The following ZBTB7C variants were observed in gnomAD, a reference collection of about 807,000 sequenced individuals.
ZBTB7C encodes zinc finger and BTB domain containing 7C.
Under a neutral mutation model 25.7 loss-of-function variants are expected in ZBTB7C, and 8 were observed. The observed-to-expected ratio is 0.31, with a 90% CI of 0.18 to 0.56. ZBTB7C has a LOEUF of 0.56. Ranked by LOEUF, ZBTB7C falls within the 20% of genes least tolerant of loss-of-function variation. The pLI, the probability that ZBTB7C is intolerant of heterozygous loss-of-function variation, is 0.91. For synonymous variants in ZBTB7C, 394 were observed against 369.0 expected (o/e 1.07, Z -0.78); for missense variants, 824 against 855.2 (o/e 0.96, Z 0.46).
intron 3 of ZBTB7C, among the ~76,000 whole-genome samples, chr18:48,053,771 A>G (rs2036793462): frequency 6.6e-6 from 1 of 152,164 alleles, no homozygotes; most frequent in South Asian, 2.1e-4. Flanking sequence ...GCCACAGAAG[A>G]GTGGGAGAGA....
intron 2 of ZBTB7C, among the ~76,000 whole-genome samples, chr18:48,243,020 T>C (rs1383737331): frequency 1.6e-4 from 24 of 151,774 alleles, no homozygotes; most frequent in Admixed American, 1.6e-3. Context: ...TCCTAACAAT[T>C]TGGGAGGCCG....
intron 2 of ZBTB7C, among the ~76,000 whole-genome samples, chr18:48,328,041 G>C (rs1342975383): frequency 6.6e-6 from 1 of 151,904 alleles, no homozygotes; most frequent in African/African-American, 2.4e-5. Flanking sequence ...AATTAGCCGG[G>C]CGTGGTGGCG....
chr18:48,038,053 A>G (rs1390015187), intron 4 of ZBTB7C, among the ~76,000 whole-genome samples: 4 of 151,966 alleles, frequency 2.6e-5, no homozygotes, highest in African/African-American at 9.7e-5. Context: ...GGCTAAGGTG[A>G]ATTCAGGAGG....
intron 2 of ZBTB7C, among the ~76,000 whole-genome samples, chr18:48,335,743 T>C (rs1007338138): frequency 3.9e-5 from 6 of 152,192 alleles, no homozygotes; most frequent in South Asian, 4.1e-4. Flanking sequence ...CAGAATACAC[T>C]GTAGACTTCA....
intron 1 of ZBTB7C, among the ~76,000 whole-genome samples, chr18:48,397,833 G>T (rs1029227963): frequency 3.9e-5 from 6 of 152,170 alleles, no homozygotes; most frequent in Non-Finnish European, 8.8e-5. Context: ...GCAAGACCAC[G>T]TCTTGGGCTT....
chr18:48,277,876 A>G (rs2044713538), intron 2 of ZBTB7C, among the ~76,000 whole-genome samples: 1 of 151,866 alleles, frequency 6.6e-6, no homozygotes, highest in African/African-American at 2.4e-5. Flanking sequence ...TTTGCGCCAG[A>G]TAGCAGGTAG....
chr18:48,184,629 T>C (rs952646624), intron 3 of ZBTB7C, among the ~76,000 whole-genome samples: 7 of 152,056 alleles, frequency 4.6e-5, no homozygotes, highest in African/African-American at 7.2e-5. Flanking sequence ...ATTAAATAAA[T>C]ATATCCCAGC....
chr18:48,337,718 G>C (rs1164598292), intron 2 of ZBTB7C, among the ~76,000 whole-genome samples: 4 of 152,208 alleles, frequency 2.6e-5, no homozygotes, highest in African/African-American at 9.7e-5. Context: ...ATCTGAACCA[G>C]ACCTAAAGGC....
At chr18:48,120,582 C>T (rs1012532770) in intron 3 of ZBTB7C, among the ~76,000 whole-genome samples, 1 of 151,946 alleles carries the variant, frequency 6.6e-6, no homozygotes, top group African/African-American at 2.4e-5. Context: ...TGCACTCCAG[C>T]CTGGTGACAG....
At chr18:48,265,246 C>G (rs2044278127) in intron 2 of ZBTB7C, among the ~76,000 whole-genome samples, 1 of 152,124 alleles carries the variant, frequency 6.6e-6, no homozygotes, top group African/African-American at 2.4e-5. Context: ...TTGTAAGTCC[C>G]CAATTGTCTT....
intron 1 of ZBTB7C, among the ~76,000 whole-genome samples, chr18:48,372,882 C>A (rs2047421104): frequency 1.3e-5 from 2 of 152,144 alleles, no homozygotes; most frequent in South Asian, 4.1e-4. Context: ...ATGTGTCTGG[C>A]AAACTGGCAA....
At chr18:48,385,127 T>C (rs767161908) in intron 1 of ZBTB7C, among the ~76,000 whole-genome samples, 4 of 152,180 alleles carry the variant, frequency 2.6e-5, no homozygotes, top group Non-Finnish European at 4.4e-5. Flanking sequence ...ATGGTTGACA[T>C]ACCCAAATGC....
At chr18:48,288,868 T>C (rs1008406940) in intron 2 of ZBTB7C, among the ~76,000 whole-genome samples, 1 of 152,220 alleles carries the variant, frequency 6.6e-6, no homozygotes, top group African/African-American at 2.4e-5. Flanking sequence ...TAGTTTATGG[T>C]ACTTTGTTAC....
At chr18:48,178,243 C>A (rs1404744470) in intron 3 of ZBTB7C, among the ~76,000 whole-genome samples, 1 of 152,224 alleles carries the variant, frequency 6.6e-6, no homozygotes, top group Non-Finnish European at 1.5e-5. Context: ...GCAGTGCCCT[C>A]TCCCTTAATG....
At chr18:48,033,716 A>C (rs2035854817) in intron 4 of ZBTB7C, among the ~76,000 whole-genome samples, 1 of 152,234 alleles carries the variant, frequency 6.6e-6, no homozygotes, top group Non-Finnish European at 1.5e-5. Context: ...CCTTGAAAAC[A>C]CTGATCTAAT....
At chr18:48,185,408 C>T (rs2042031328) in intron 3 of ZBTB7C, 1 of 365,762 alleles carries the variant, frequency 2.7e-6, no homozygotes, top group Non-Finnish European at 5.3e-6. Context: ...GAGCCAATGC[C>T]TGCTGCTTCT....
chr18:48,236,147 A>T (rs1048850329), intron 2 of ZBTB7C, among the ~76,000 whole-genome samples: 2 of 152,026 alleles, frequency 1.3e-5, no homozygotes, highest in African/African-American at 4.8e-5. Flanking sequence ...ATTCTGAATA[A>T]TTTTTTCATA....
intron 2 of ZBTB7C, among the ~76,000 whole-genome samples, chr18:48,324,867 G>A (rs922435376): frequency 2.0e-5 from 3 of 152,152 alleles, no homozygotes; most frequent in African/African-American, 7.2e-5. Context: ...ACCACATGAC[G>A]ACTCAGGAGC....
chr18:48,112,811 T>C (rs980623039), intron 3 of ZBTB7C, among the ~76,000 whole-genome samples: 1 of 152,234 alleles, frequency 6.6e-6, no homozygotes, highest in East Asian at 1.9e-4. Context: ...TAACAGAGGA[T>C]TGAGGATCGC....
Sources: gnomAD v4.1 joint callset for allele counts (sites outside exome capture counted in the v4.1 genomes callset) on GRCh38, gnomAD v4.1.1 for gene constraint, MANE v1.5 for transcripts, NCBI Gene and HGNC (gene_info 2026-07-23, HGNC 2026-07-21) for gene names.